The following BMPER variants were observed in gnomAD, a reference collection of about 807,000 sequenced individuals.
BMPER encodes BMP-binding endothelial regulator protein.
BMPER carries 45 observed loss-of-function variants against 87.3 expected under a neutral mutation model. That is an observed-to-expected ratio of 0.52 (90% CI 0.41 to 0.66). BMPER has a LOEUF of 0.66. Ranked by LOEUF, BMPER falls within the 30% of genes least tolerant of loss-of-function variation. The probability of loss-of-function intolerance (pLI) is 0.00; values close to 1 mark genes in which losing one functional copy is unlikely to be tolerated. For missense variants in BMPER, 784 were observed against 867.5 expected, an observed-to-expected ratio of 0.90 and a Z score of 1.21; for synonymous variants, 326 against 316.2, an observed-to-expected ratio of 1.03 and a Z score of -0.33.
rs547643646 is a variant in BMPER, at chr7:33,913,621, G to T, written c.219+6718G>T. On this transcript the variant is annotated intron_variant, in intron 2 of 14. Coordinates refer to ENST00000649409, the MANE Select transcript of BMPER (RefSeq NM_001365308.1). ...TACATTCCAGTTCTAGAGTATTTAC[G>T]TGAATACCAAAGGTATTGAAAAAAA... Among the ~76,000 whole-genome samples, 13 of 152,208 alleles carry T rather than the reference G, an allele frequency of 8.5e-5. No individual in the cohort carries two copies. In the South Asian group the frequency reaches 2.5e-3, roughly 29 times the overall value.
intron 6 of BMPER, among the ~76,000 whole-genome samples, chr7:34,012,318 C>T (rs978649494): frequency 7.2e-5 from 11 of 151,918 alleles, no homozygotes; most frequent in Non-Finnish European, 1.0e-4. Flanking sequence ...TCCCCCCAAA[C>T]ATCAAAGGAT....
intron 2 of BMPER, among the ~76,000 whole-genome samples, chr7:33,934,657 A>G (rs1477903496): frequency 2.6e-5 from 4 of 152,204 alleles, no homozygotes; most frequent in Non-Finnish European, 5.9e-5. Flanking sequence ...CCAGGTTTCT[A>G]AGTCAGCAGA....
intron 13 of BMPER, among the ~76,000 whole-genome samples, chr7:34,099,077 C>T (rs1347575312): frequency 6.6e-6 from 1 of 151,854 alleles, no homozygotes; most frequent in East Asian, 1.9e-4. Context: ...AATCATAAGG[C>T]CAGGAGTAAG....
At chr7:34,143,387 A>T in intron 14 of BMPER, 27 bp downstream of exon 14, 1 of 1,613,370 alleles carries the variant, frequency 6.2e-7, no homozygotes, top group Non-Finnish European at 8.5e-7. Context: ...GGATCTACCC[A>T]TCAAAAGTTT....
At chr7:33,979,421 A>G (rs1216391685) in intron 6 of BMPER, among the ~76,000 whole-genome samples, 3 of 151,576 alleles carry the variant, frequency 2.0e-5, no homozygotes, top group Admixed American at 1.3e-4. Flanking sequence ...TGATGGCTCC[A>G]TGGCTCTCGT....
In BMPER at chr7:33,918,497, AGCCT is replaced by A. The variant is rs142322889; in HGVS notation, c.219+11597_219+11600del. 1.1e-4 allele frequency among the ~76,000 whole-genome samples: 16 copies of A among 152,352 alleles called. No homozygotes were observed. In the East Asian group the frequency reaches 3.1e-3, roughly 29 times the overall value. On this transcript the variant is annotated intron_variant, in intron 2 of 14. Coordinates refer to ENST00000649409, the MANE Select transcript of BMPER (RefSeq NM_001365308.1). ...ATTCATGAATTCCAGAGACACTCAC[AGCCT>A]GCTGGGTCTCTCCTGCTTTGTGGAT...
intron 11 of BMPER, among the ~76,000 whole-genome samples, chr7:34,072,998 C>T (rs1333359193): frequency 6.6e-6 from 1 of 152,100 alleles, no homozygotes; most frequent in Admixed American, 6.5e-5. Context: ...TGAGAGCATT[C>T]ATTAATTATT....
intron 2 of BMPER, among the ~76,000 whole-genome samples, chr7:33,923,267 T>C (rs925382886): frequency 2.0e-5 from 3 of 152,116 alleles, no homozygotes; most frequent in Admixed American, 2.0e-4. Flanking sequence ...AATTGAGAGA[T>C]TTTCCCTTTC....
intron 10 of BMPER, among the ~76,000 whole-genome samples, chr7:34,060,984 G>C (rs1189595688): frequency 6.6e-6 from 1 of 152,148 alleles, no homozygotes; most frequent in Admixed American, 6.5e-5. Context: ...TTGATTTTTG[G>C]TTCTACTACT....
chr7:34,008,314 A>C (rs1013477937), intron 6 of BMPER, among the ~76,000 whole-genome samples: 7 of 151,902 alleles, frequency 4.6e-5, no homozygotes, highest in African/African-American at 7.2e-5. Flanking sequence ...GACATTTCTC[A>C]ATTTGTCACT....
chr7:34,114,279 T>C (rs892144894), intron 13 of BMPER, among the ~76,000 whole-genome samples: 4 of 152,224 alleles, frequency 2.6e-5, no homozygotes, highest in African/African-American at 9.6e-5. Flanking sequence ...CAAGGACCTA[T>C]GCCGGTCTAC....
chr7:34,037,300 T>A (rs1787704367), intron 6 of BMPER, among the ~76,000 whole-genome samples: 2 of 152,142 alleles, frequency 1.3e-5, no homozygotes, highest in African/African-American at 2.4e-5. Context: ...GAAATTATGA[T>A]CTTTGGCTCT....
intron 6 of BMPER, among the ~76,000 whole-genome samples, chr7:34,004,476 A>C (rs770302915): frequency 6.6e-6 from 1 of 152,056 alleles, no homozygotes; most frequent in African/African-American, 2.4e-5. Flanking sequence ...TGTTGTTGCT[A>C]TTGTTTTTGT....
At chr7:33,910,055 G>T (rs1166933129) in intron 2 of BMPER, among the ~76,000 whole-genome samples, 1 of 152,178 alleles carries the variant, frequency 6.6e-6, no homozygotes, top group Non-Finnish European at 1.5e-5. Flanking sequence ...TTTAAAGTAT[G>T]TGGCCCAAAA....
At chr7:33,905,781 GACGCCGGTTTGGTACCTGGGAAA>G in intron 1 of BMPER, 35 bp downstream of exon 1, 2 of 1,472,766 alleles carry the variant, frequency 1.4e-6, no homozygotes, top group East Asian at 2.9e-5. Flanking sequence ...GGCCCTCCGG[GACGCCGGTTTGGTACCTGGGAAA>G]GGTGGCGCTG....
intron 3 of BMPER, among the ~76,000 whole-genome samples, chr7:33,959,758 G>A (rs561105915): frequency 6.6e-6 from 1 of 152,176 alleles, no homozygotes; most frequent in Non-Finnish European, 1.5e-5. Flanking sequence ...TTCATAGAAT[G>A]TATTGTATTA....
At chr7:34,110,883 T>C (rs1789944455) in intron 13 of BMPER, among the ~76,000 whole-genome samples, 1 of 152,244 alleles carries the variant, frequency 6.6e-6, no homozygotes. Context: ...GTTGTAGGTC[T>C]CTGGGGTTAA....
At chr7:34,141,428 G>A (rs1271340965) in intron 13 of BMPER, among the ~76,000 whole-genome samples, 1 of 151,894 alleles carries the variant, frequency 6.6e-6, no homozygotes, top group Non-Finnish European at 1.5e-5. Context: ...TGGCCAACAT[G>A]GTGAAACCCT....
intron 12 of BMPER, among the ~76,000 whole-genome samples, chr7:34,082,398 G>T (rs1013362515): frequency 6.8e-6 from 1 of 146,790 alleles, no homozygotes; most frequent in East Asian, 2.1e-4. Flanking sequence ...CATGTAGAGG[G>T]TAAAAATATC....
Sources: allele counts gnomAD v4.1 joint callset (sites outside exome capture counted in the v4.1 genomes callset), GRCh38; gene constraint gnomAD v4.1.1; transcripts MANE v1.5; gene names NCBI Gene and HGNC (gene_info 2026-07-23, HGNC 2026-07-21).